The following GML variants were observed in gnomAD, a reference collection of about 807,000 sequenced individuals.
GML encodes glycosyl-phosphatidylinositol-anchored molecule-like protein.
Under a neutral mutation model 8.2 loss-of-function variants are expected in GML, and 5 were observed. The ratio of observed to expected loss-of-function variants is 0.61; its 90% CI spans 0.32 to 1.28. The LOEUF (loss-of-function observed/expected upper bound fraction) is 1.28. Among genes scored for constraint, GML ranks in the 50% most tolerant of loss-of-function variants. The probability of loss-of-function intolerance (pLI) is 0.06; values close to 1 mark genes in which losing one functional copy is unlikely to be tolerated. For synonymous variants in GML, 72 were observed against 69.0 expected, an observed-to-expected ratio of 1.04 and a Z score of -0.22; for missense variants, 191 against 198.3, an observed-to-expected ratio of 0.96 and a Z score of 0.22.
intron 3 of GML, among the ~76,000 whole-genome samples, chr8:142,842,484 A>T (rs1204865321): frequency 2.0e-5 from 3 of 152,206 alleles, no homozygotes; most frequent in African/African-American, 7.2e-5. Flanking sequence ...AATGAGGCTG[A>T]GAACTATCTT....
rs532011740 is a variant in GML at position 142,841,108 on chromosome 8, C to G, written c.74-10C>G. On this transcript the variant is annotated splice_polypyrimidine_tract_variant and intron_variant, in intron 2 of 3. Coordinates refer to ENST00000220940, the MANE Select transcript of GML (RefSeq NM_002066.3). ...AGCAGAAGCCTGAAGCCTGCTTTCT[C>G]CCCTCTCAGGGACTTACAGTTTGAG... 3.0e-5 allele frequency: 40 copies of G among 1,336,492 alleles called. No individual in the cohort carries two copies. In the South Asian group the frequency reaches 4.1e-4, roughly 14 times the overall value. 82.8% of individuals were successfully genotyped at this position (1,336,492 alleles called of 1,614,324 possible). A position where few individuals can be genotyped will look rare whatever the true frequency, so the allele number is the denominator to read the frequency against.
At position 142,840,268 on chromosome 8, in the gene GML, G is replaced by A. The variant is rs73715243; in HGVS notation, c.-22-148G>A. ...TGGGTGAGACCTGCCCGACCCCAGT[G>A]CCTTACCCGAGGAGCTACTGGCCCA... On this transcript the variant is annotated intron_variant, in intron 1 of 3. Coordinates refer to ENST00000220940, the MANE Select transcript of GML (RefSeq NM_002066.3). The A allele has an allele frequency of 5.3e-3, 3,227 of 610,398 alleles. 73 individuals are homozygous for A. The highest frequency in any genetic ancestry group is 0.052 in the African/African-American group (2,827 of 54,406). The allele number at this position is 610,398 out of a possible 1,614,324, so 37.8% of individuals were successfully genotyped here.
At chr8:142,834,946 G>C (rs1042267813) in intron 1 of GML, 78 bp downstream of exon 1, 7 of 152,642 alleles carry the variant, frequency 4.6e-5, no homozygotes, top group African/African-American at 1.7e-4. Context: ...CAGCCTCCTC[G>C]TCAGCTGCTT....
chr8:142,839,814 CA>C (rs1300870223), intron 1 of GML, among the ~76,000 whole-genome samples: 1 of 152,170 alleles, frequency 6.6e-6, no homozygotes, highest in Admixed American at 6.5e-5. Context: ...TGAGGTGCCC[CA>C]GACCCTCCCC....
In GML at chr8:142,846,403, T is replaced by C; in HGVS notation, c.190T>C (p.Ser64Pro). The C allele has an allele frequency of 6.3e-7, 1 of 1,584,018 alleles. No homozygotes were observed. Among genetic ancestry groups the C allele is most frequent in the East Asian group, 2.2e-5 (1 of 44,608 alleles). ...RCMTISIRIN[S>P]RELLVYKNCT... ...GCTGCTTCTTTTTTTAGGCATAAAT[T>C]CTCGTGAACTACTTGTTTATAAGAA... The change falls in exon 4 of 4, where the codon TCT becomes CCT. Residue 64 changes from serine (S) to proline (P), a missense_variant. Coordinates refer to ENST00000220940, the MANE Select transcript of GML (RefSeq NM_002066.3).
intron 3 of GML, among the ~76,000 whole-genome samples, chr8:142,843,325 A>G (rs73715246): frequency 1.3e-5 from 2 of 149,370 alleles, no homozygotes; most frequent in African/African-American, 2.5e-5. Context: ...TTGTGGATTC[A>G]ATAACAGAAT....
chr8:142,839,049 A>G (rs998852463), intron 1 of GML, among the ~76,000 whole-genome samples: 1 of 152,214 alleles, frequency 6.6e-6, no homozygotes, highest in African/African-American at 2.4e-5. Flanking sequence ...AGAGGGCCTC[A>G]GTGTACATGC....
intron 3 of GML, among the ~76,000 whole-genome samples, chr8:142,843,926 A>C (rs1816470462): frequency 6.6e-6 from 1 of 152,258 alleles, no homozygotes; most frequent in Non-Finnish European, 1.5e-5. Flanking sequence ...CTACAAATCC[A>C]AAAGAATTTC....
chr8:142,846,275 G>A, intron 3 of GML, 120 bp from the exon 4 acceptor site: 1 of 660,346 alleles, frequency 1.5e-6, no homozygotes, highest in Non-Finnish European at 2.6e-6. Flanking sequence ...TTTTATCACA[G>A]CTGGGAGTGT....
At chr8:142,838,989 C>T (rs1326642872) in intron 1 of GML, among the ~76,000 whole-genome samples, 1 of 152,204 alleles carries the variant, frequency 6.6e-6, no homozygotes, top group Non-Finnish European at 1.5e-5. Flanking sequence ...GTGCTCTGGG[C>T]ATTGACAGTA....
Position 142,840,530 on chromosome 8 carries a change from A to C in GML, c.73+20A>C. 1 of 1,545,016 alleles carries C rather than the reference A, an allele frequency of 6.5e-7. No homozygotes were observed. The highest frequency in any genetic ancestry group is 9.0e-7 in the Non-Finnish European group (1 of 1,117,020). ...CTCAGTGTAAGTATCATTCCCTCTC[A>C]CTGTCCTGGAGAGGACGAGAATTCA... On this transcript the variant is annotated intron_variant, in intron 2 of 3. Transcript: ENST00000220940.
rs553568940 is a variant in GML, at chr8:142,835,929, A to G, written c.-23+1061A>G. Among the ~76,000 whole-genome samples, 3 of 152,296 alleles carry G rather than the reference A, an allele frequency of 2.0e-5. No individual in the cohort carries two copies. The South Asian group carries it at 6.2e-4, about 32-fold the overall frequency. On this transcript the variant is annotated intron_variant, in intron 1 of 3. Coordinates refer to ENST00000220940, the MANE Select transcript of GML (RefSeq NM_002066.3). ...TACTTTATTTCTATATATGTTATGA[A>G]CTCAATATTTCTTGTAGTGGGTCTG...
At chr8:142,840,300 G>A in intron 1 of GML, 116 bp from the exon 2 acceptor site, 2 of 660,310 alleles carry the variant, frequency 3.0e-6, no homozygotes, top group Non-Finnish European at 5.5e-6. Flanking sequence ...CCCAGTGGGG[G>A]AGGCATTCAG....
At position 142,846,790 on chromosome 8, in the gene GML, C is replaced by T. The variant is rs1816509851; in HGVS notation, c.*100C>T. ...AGCCAGAGACCCTTATCCACTGCTCCTCTAGGTGGCCCATTTATGGTTTGT... is the reference window on the plus strand; with the variant it reads ...AGCCAGAGACCCTTATCCACTGCTCTTCTAGGTGGCCCATTTATGGTTTGT... On this transcript the variant is annotated 3_prime_UTR_variant, in exon 4 of 4. Transcript: ENST00000220940. The T allele has an allele frequency of 1.2e-6, 1 of 819,510 alleles. No individual in the cohort carries two copies. The highest frequency in any genetic ancestry group is 2.5e-5 in the Admixed American group (1 of 39,216). The allele number at this position is 819,510 out of a possible 1,614,324, so 50.8% of individuals were successfully genotyped here.
intron 1 of GML, among the ~76,000 whole-genome samples, chr8:142,836,670 G>A (rs1168056093): frequency 6.6e-6 from 1 of 152,200 alleles, no homozygotes; most frequent in Non-Finnish European, 1.5e-5. Flanking sequence ...GTGGTTGTAT[G>A]TTACTACTGG....
intron 1 of GML, among the ~76,000 whole-genome samples, chr8:142,836,850 C>T (rs116980673): frequency 0.019 from 2,812 of 150,624 alleles, 35 homozygotes; most frequent in Non-Finnish European, 0.027. Context: ...GGTGCCCTTC[C>T]CCTTCTCCTA....
intron 1 of GML, among the ~76,000 whole-genome samples, chr8:142,836,396 C>T (rs902258924): frequency 1.3e-5 from 2 of 152,126 alleles, no homozygotes; most frequent in Admixed American, 1.3e-4. Context: ...ATACTATAGT[C>T]CCTTATTTCT....
chr8:142,835,125 A>G (rs1398611159), intron 1 of GML, among the ~76,000 whole-genome samples: 1 of 150,688 alleles, frequency 6.6e-6, no homozygotes, highest in Non-Finnish European at 1.5e-5. Context: ...CCCCTGCTCC[A>G]TTCCCCTCAG....
At chr8:142,843,872 A>T (rs1816470122) in intron 3 of GML, among the ~76,000 whole-genome samples, 1 of 152,346 alleles carries the variant, frequency 6.6e-6, no homozygotes, top group Non-Finnish European at 1.5e-5. Flanking sequence ...ATACTTATGG[A>T]TCATGAGAAT....
Sources: gnomAD v4.1 joint callset for allele counts (sites outside exome capture counted in the v4.1 genomes callset) on GRCh38, gnomAD v4.1.1 for gene constraint, MANE v1.5 for transcripts, NCBI Gene and HGNC (gene_info 2026-07-23, HGNC 2026-07-21) for gene names.